Variants in COL6A5 observed in about 807,000 individuals in gnomAD.
COL6A5 encodes the protein collagen alpha-5(VI) chain.
Under a neutral mutation model 65.6 loss-of-function variants are expected in COL6A5, and 48 were observed. The ratio of observed to expected loss-of-function variants is 0.73; its 90% confidence interval spans 0.58 to 0.93. The LOEUF (loss-of-function observed/expected upper bound fraction) is 0.93. Ranked by LOEUF, COL6A5 falls within the 40% of genes least tolerant of loss-of-function variation. COL6A5 has a pLI of 0.00. For synonymous variants in COL6A5, 291 were observed against 322.8 expected, an observed-to-expected ratio of 0.90 and a Z score of 1.05; for missense variants, 914 against 928.3, an observed-to-expected ratio of 0.98 and a Z score of 0.20.
chr3:130,449,098 C>G (rs1053829316), intron 4 of COL6A5, among the ~76,000 whole-genome samples: 1 of 152,112 alleles, frequency 6.6e-6, no homozygotes, highest in Non-Finnish European at 1.5e-5. Context: ...TGTAAGTGTT[C>G]AGAAACCAAT....
intron 1 of COL6A5, among the ~76,000 whole-genome samples, chr3:130,432,984 G>T (rs912760892): frequency 6.6e-6 from 1 of 152,042 alleles, no homozygotes; most frequent in Admixed American, 6.6e-5. Flanking sequence ...CTGGAGCTGT[G>T]TAAAGCCATC....
intron 12 of COL6A5, 110 bp from the exon 13 acceptor site, chr3:130,403,499 A>T: frequency 1.1e-6 from 1 of 895,232 alleles, no homozygotes; most frequent in South Asian, 1.7e-5. Context: ...ATCTGCAGAA[A>T]CTGCAACCAA....
At chr3:130,416,777 A>G in exon 24 of COL6A5, 1 of 1,535,468 alleles carries the variant, frequency 6.5e-7, no homozygotes, top group Non-Finnish European at 8.8e-7. Flanking sequence ...GGCTAATGGG[A>G]GCTAAAGGGA....
chr3:130,354,925 A>G (rs751940217), intron 1 of COL6A5, among the ~76,000 whole-genome samples: 2 of 152,206 alleles, frequency 1.3e-5, no homozygotes, highest in Non-Finnish European at 2.9e-5. Context: ...TACACAGCAG[A>G]TTTTGAGGAC....
chr3:130,459,957 A>G (rs1254263883), intron 5 of COL6A5, among the ~76,000 whole-genome samples: 1 of 152,024 alleles, frequency 6.6e-6, no homozygotes, highest in African/African-American at 2.4e-5. Flanking sequence ...GATTTTTTAA[A>G]TGTTCTCAAA....
intron 4 of COL6A5, among the ~76,000 whole-genome samples, chr3:130,446,273 C>T (rs1171100921): frequency 2.7e-5 from 4 of 150,910 alleles, no homozygotes; most frequent in Non-Finnish European, 5.9e-5. Context: ...GAGCATCTAT[C>T]CAGGTGAGAG....
At chr3:130,442,968 A>G (rs1013828501) in intron 3 of COL6A5, among the ~76,000 whole-genome samples, 4 of 152,194 alleles carry the variant, frequency 2.6e-5, no homozygotes, top group African/African-American at 9.7e-5. Context: ...GAACAACATC[A>G]GGAAGGGGAT....
At chr3:130,482,561 T>A (rs1710278620) in intron 7 of COL6A5, among the ~76,000 whole-genome samples, 1 of 152,124 alleles carries the variant, frequency 6.6e-6, no homozygotes, top group South Asian at 2.1e-4. Flanking sequence ...TTTAAAGTAG[T>A]TTTTTTCTAA....
intron 1 of COL6A5, among the ~76,000 whole-genome samples, chr3:130,361,055 G>A (rs1226789244): frequency 2.0e-5 from 3 of 151,722 alleles, no homozygotes; most frequent in African/African-American, 7.3e-5. Flanking sequence ...CACCAACATG[G>A]TACATTTATT....
intron 23 of COL6A5, 40 bp downstream of exon 23, chr3:130,415,747 A>G (rs752042890): frequency 1.4e-6 from 2 of 1,456,936 alleles, no homozygotes; most frequent in Non-Finnish European, 1.8e-6. Flanking sequence ...GACTCTCAAC[A>G]GTTATTTTCC....
At chr3:130,383,670 T>C (rs1459565354) in intron 4 of COL6A5, among the ~76,000 whole-genome samples, 1 of 152,096 alleles carries the variant, frequency 6.6e-6, no homozygotes, top group Non-Finnish European at 1.5e-5. Flanking sequence ...TCAGTAGCTA[T>C]AAATTACCTA....
intron 24 of COL6A5, among the ~76,000 whole-genome samples, chr3:130,417,091 C>T (rs1190007511): frequency 9.2e-5 from 14 of 151,760 alleles, no homozygotes; most frequent in Non-Finnish European, 1.6e-4. Context: ...CCTTGGCCCC[C>T]ACCCCCCGAC....
At chr3:130,447,518 C>T (rs939472916) in intron 4 of COL6A5, among the ~76,000 whole-genome samples, 2 of 152,038 alleles carry the variant, frequency 1.3e-5, no homozygotes, top group African/African-American at 2.4e-5. Context: ...ACCAAACAGT[C>T]GACTTTATGG....
intron 1 of COL6A5, among the ~76,000 whole-genome samples, chr3:130,370,304 T>C (rs1473913337): frequency 1.3e-5 from 2 of 152,220 alleles, no homozygotes; most frequent in African/African-American, 4.8e-5. Context: ...CACTGCCTGC[T>C]GACTTCATGT....
exon 5 of COL6A5, chr3:130,455,595 T>C (rs781305298): frequency 1.2e-6 from 2 of 1,613,300 alleles, no homozygotes; most frequent in South Asian, 2.2e-5. Context: ...AGCCAAATGT[T>C]TGAGCCACAA....
chr3:130,354,093 AAG>A (rs1422546298), intron 1 of COL6A5, among the ~76,000 whole-genome samples: 3 of 148,948 alleles, frequency 2.0e-5, no homozygotes, highest in Non-Finnish European at 4.5e-5. Context: ...AAAAAAAGAA[AAG>A]AAGAAAGAGA....
intron 1 of COL6A5, among the ~76,000 whole-genome samples, chr3:130,434,792 T>A (rs1366764211): frequency 6.6e-6 from 1 of 152,200 alleles, no homozygotes; most frequent in African/African-American, 2.4e-5. Context: ...TTTTTTGGGT[T>A]TTTTTCTTGC....
chr3:130,463,606 C>G (rs1036681203), intron 5 of COL6A5, among the ~76,000 whole-genome samples: 12 of 152,004 alleles, frequency 7.9e-5, no homozygotes, highest in Non-Finnish European at 1.8e-4. Flanking sequence ...AAATCTTGCC[C>G]ATAGGAAAGC....
chr3:130,362,302 A>C (rs1455630570), intron 1 of COL6A5, among the ~76,000 whole-genome samples: 3 of 1,034 alleles, frequency 2.9e-3, no homozygotes, highest in East Asian at 0.033. Context: ...ATATATATAT[A>C]TATATATATA....
Sources: allele counts gnomAD v4.1 joint callset (sites outside exome capture counted in the v4.1 genomes callset), GRCh38; gene constraint gnomAD v4.1.1; transcripts MANE v1.5; gene names NCBI Gene and HGNC (gene_info 2026-07-23, HGNC 2026-07-21).